Variants in GABBR1 observed in about 807,000 individuals in gnomAD.
The protein encoded by GABBR1 is gamma-aminobutyric acid type B receptor subunit 1, also known as GABA-B receptor, R1 subunit.
Under a neutral mutation model 117.7 loss-of-function variants are expected in GABBR1, and 35 were observed. That is an observed-to-expected ratio of 0.30 (90% CI 0.23 to 0.39). The LOEUF (loss-of-function observed/expected upper bound fraction) is 0.39, where lower values mean the gene tolerates loss of function less well. Among genes scored for constraint, GABBR1 ranks in the 10% least tolerant of loss-of-function variants. GABBR1 has a pLI of 1.00. For missense variants in GABBR1, 709 were observed against 1,241.8 expected (o/e 0.57, Z 6.45); for synonymous variants, 442 against 486.6 (o/e 0.91, Z 1.21).
Position 29,632,503 on chromosome 6 carries a change from C to T in GABBR1, c.1-118G>A. 1.0e-6 allele frequency: 1 copy of T among 1,004,518 alleles called. No homozygotes were observed. The highest frequency in any genetic ancestry group is 1.4e-6 in the Non-Finnish European group (1 of 734,642). The allele number at this position is 1,004,518 out of a possible 1,614,324, so 62.2% of individuals were successfully genotyped here. On this transcript the variant is annotated intron_variant, in intron 1 of 22. Coordinates refer to ENST00000377034, the MANE Select transcript of GABBR1 (RefSeq NM_001470.4). This position sits in a 1 kb window ranked among gnomAD's most constrained non-coding sequence, Gnocchi z 5.8. ...GCTCCGACCGGGCTCAGCCTGGGGA[C>T]CAAGAGAGCGCCCCGCGGAGGAGGC...
intron 12 of GABBR1, among the ~76,000 whole-genome samples, chr6:29,612,946 G>A (rs1762705729): frequency 6.6e-6 from 1 of 152,148 alleles, no homozygotes; most frequent in Non-Finnish European, 1.5e-5. Context: ...ATAAGAAGAT[G>A]ACCTTTCAGA....
Position 29,622,016 on chromosome 6 carries a change from G to A in GABBR1, c.1065+88C>T. The A allele has an allele frequency of 8.1e-7, 1 of 1,236,496 alleles. No homozygotes were observed. Among genetic ancestry groups the A allele is most frequent in the Non-Finnish European group, 1.2e-6 (1 of 848,220 alleles). 76.6% of individuals were successfully genotyped at this position (1,236,496 alleles called of 1,614,324 possible). On this transcript the variant is annotated intron_variant, in intron 9 of 22. Coordinates refer to ENST00000377034, the MANE Select transcript of GABBR1 (RefSeq NM_001470.4). The surrounding 1 kb of genome is among the most constrained non-coding windows in gnomAD (Gnocchi z 4.6). ...CTATTGCCTCAGAGAATCAAAACCTGCCCCCGCCTGGCTTTCCTCTCCAAC... is the reference window on the plus strand; with the variant it reads ...CTATTGCCTCAGAGAATCAAAACCTACCCCCGCCTGGCTTTCCTCTCCAAC...
Position 29,627,660 on chromosome 6 carries a change from C to G in GABBR1, c.497-14G>C. On this transcript the variant is annotated splice_polypyrimidine_tract_variant and intron_variant, in intron 5 of 22. Coordinates refer to ENST00000377034, the MANE Select transcript of GABBR1 (RefSeq NM_001470.4). The surrounding 1 kb of genome is among the most constrained non-coding windows in gnomAD (Gnocchi z 4.4). ...CTGCGCGCCGTTCTGAGGAGGGGTG[C>G]GGGGGGACCCGCGAGTGAGGCCGCG... is the stretch of plus-strand genomic sequence containing the variant. 4 of 1,540,546 alleles carry G rather than the reference C, an allele frequency of 2.6e-6. No individual in the cohort carries two copies. The highest frequency in any genetic ancestry group is 3.5e-6 in the Non-Finnish European group (4 of 1,148,116).
In GABBR1 at chr6:29,630,350, C is replaced by T. The variant is rs1472455690; in HGVS notation, c.475+108G>A. The T allele has an allele frequency of 4.9e-6, 5 of 1,015,258 alleles. No homozygotes were observed. The highest frequency in any genetic ancestry group is 4.8e-5 in the African/African-American group (3 of 62,218). The allele number at this position is 1,015,258 out of a possible 1,614,324, so 62.9% of individuals were successfully genotyped here. A position where few individuals can be genotyped will look rare whatever the true frequency, so the allele number is the denominator to read the frequency against. ...TTCATCTCCCCTTTCCAGTGTCCTC[C>T]CCCACATTTTTATAGCTCTCCATTC... On this transcript the variant is annotated intron_variant, in intron 4 of 22. Transcript: ENST00000377034. This position sits in a 1 kb window ranked among gnomAD's most constrained non-coding sequence, Gnocchi z 4.9.
chr6:29,620,798 C>T lies in GABBR1; in HGVS notation c.1323+303G>A, dbSNP rs752536016. 9.9e-5 allele frequency among the ~76,000 whole-genome samples: 15 copies of T among 152,122 alleles called. No homozygotes were observed. The highest frequency in any genetic ancestry group is 3.1e-4 in the African/African-American group (13 of 41,414). On this transcript the variant is annotated intron_variant, in intron 11 of 22. Transcript: ENST00000377034. This position sits in a 1 kb window ranked among gnomAD's most constrained non-coding sequence, Gnocchi z 4.5. ...CAAGCATCCATATTATCATTAATGC[C>T]GGTTCCTCCTGACTTCTCACCAACT...
In GABBR1 at chr6:29,616,846, C is replaced by CAAA. The variant is rs28383807; in HGVS notation, c.1324-3364_1324-3362dup. Among the ~76,000 whole-genome samples, 332 of 74,442 alleles carry CAAA rather than the reference C, an allele frequency of 4.5e-3. 1 individual carries two copies. The highest frequency in any genetic ancestry group is 0.013 in the Middle Eastern group (2 of 154). The allele number at this position is 74,442 out of a possible 152,430, so 48.8% of individuals were successfully genotyped here. A position where few individuals can be genotyped will look rare whatever the true frequency, so the allele number is the denominator to read the frequency against. On this transcript the variant is annotated intron_variant, in intron 11 of 22. Transcript: ENST00000377034. The stretch of plus-strand genomic sequence containing the variant: ...TGGGCAGCAGAGGGATACTCTACCT[C>CAAA]AAAAAAAAAAAAAAAAAAAGGCTGG...
intron 4 of GABBR1, 68 bp from the exon 5 acceptor site, chr6:29,629,175 C>T: frequency 1.3e-6 from 2 of 1,559,034 alleles, no homozygotes; most frequent in Non-Finnish European, 1.8e-6. Context: ...GGCCTGATCC[C>T]CAGCCCCCTC....
rs753934557 is a variant in GABBR1 at position 29,605,553 on chromosome 6, T to C, written c.2439+16A>G. On this transcript the variant is annotated intron_variant, in intron 20 of 22. Coordinates refer to ENST00000377034, the MANE Select transcript of GABBR1 (RefSeq NM_001470.4). The surrounding 1 kb of genome is among the most constrained non-coding windows in gnomAD (Gnocchi z 4.2). The stretch of plus-strand genomic sequence containing the variant: ...TGGTCAGCCTACAGGGTCAATGCCA[T>C]GGGGTCAGTGCTCACTGCCACATTG... 1.9e-6 allele frequency: 3 copies of C among 1,612,702 alleles called. No individual in the cohort carries two copies. Among genetic ancestry groups the C allele is most frequent in the Non-Finnish European group, 2.5e-6 (3 of 1,179,908 alleles).
At position 29,609,421 on chromosome 6, in the gene GABBR1, G is replaced by A; in HGVS notation, c.1709-42C>T. 2 of 1,580,194 alleles carry A rather than the reference G, an allele frequency of 1.3e-6. No individual in the cohort carries two copies. Among genetic ancestry groups the A allele is most frequent in the South Asian group, 2.2e-5 (2 of 90,318 alleles). The stretch of plus-strand genomic sequence containing the variant: ...AGGAAGAGGGGAAGGGAAAAGAGAA[G>A]GGAAGGAGGACAAAGGAATGAAGAC... On this transcript the variant is annotated intron_variant, in intron 14 of 22. Transcript: ENST00000377034. This position sits in a 1 kb window ranked among gnomAD's most constrained non-coding sequence, Gnocchi z 4.3.
rs1176120015 is a variant in GABBR1 at position 29,633,150 on chromosome 6, G to A, written c.-301C>T. 2.6e-5 allele frequency: 4 copies of A among 152,630 alleles called. No homozygotes were observed. Among genetic ancestry groups the A allele is most frequent in the Admixed American group, 2.6e-4 (4 of 15,292 alleles). The allele number at this position is 152,630 out of a possible 1,614,324, so 9.5% of individuals were successfully genotyped here. A position where few individuals can be genotyped will look rare whatever the true frequency, so the allele number is the denominator to read the frequency against. ...AGCTCCCGGGCGGAGGGAAGAAGGA[G>A]GGTGCAAGGGAAGGCAGGGCGGGGG... On this transcript the variant is annotated 5_prime_UTR_variant, in exon 1 of 23. Transcript: ENST00000377034. This position sits in a 1 kb window ranked among gnomAD's most constrained non-coding sequence, Gnocchi z 4.4.
chr6:29,604,769 G>A lies in GABBR1; in HGVS notation c.2568+91C>T. 1 of 1,581,064 alleles carries A rather than the reference G, an allele frequency of 6.3e-7. No homozygotes were observed. The highest frequency in any genetic ancestry group is 8.6e-7 in the Non-Finnish European group (1 of 1,158,622). On this transcript the variant is annotated intron_variant, in intron 21 of 22. Coordinates refer to ENST00000377034, the MANE Select transcript of GABBR1 (RefSeq NM_001470.4). The surrounding 1 kb of genome is among the most constrained non-coding windows in gnomAD (Gnocchi z 5.3). ...ACAAGGGGAGGAGTGAGAGGAGGGT[G>A]AACGGAAGGGCAGAGGAACTCAGTA...
chr6:29,603,859 A>T (rs1253883628), intron 22 of GABBR1, 143 bp from the exon 23 acceptor site: 16 of 499,222 alleles, frequency 3.2e-5, no homozygotes, highest in African/African-American at 2.8e-4. Flanking sequence ...AGTGGACAGA[A>T]TAAATTAAAA....
chr6:29,632,553 G>C lies in GABBR1; in HGVS notation c.1-168C>G, dbSNP rs562020736. 8 of 884,824 alleles carry C rather than the reference G, an allele frequency of 9.0e-6. No homozygotes were observed. In the African/African-American group the frequency reaches 1.1e-4, roughly 12 times the overall value. The allele number at this position is 884,824 out of a possible 1,614,324, so 54.8% of individuals were successfully genotyped here. On this transcript the variant is annotated intron_variant, in intron 1 of 22. Transcript: ENST00000377034. The surrounding 1 kb of genome is among the most constrained non-coding windows in gnomAD (Gnocchi z 5.8). ...CGGGGGCGGAGCCCCGCGCGGGGTG[G>C]GGGGAGAGGAGGAGAGAAAGCCTGT...
chr6:29,608,006 AAG>A (rs537098840), intron 16 of GABBR1, among the ~76,000 whole-genome samples: 395 of 152,350 alleles, frequency 2.6e-3, no homozygotes, highest in Non-Finnish European at 4.9e-3. Context: ...GCAGAGGAAA[AAG>A]AGAGAGCAAG....
rs576161002 is a variant in GABBR1 at position 29,622,587 on chromosome 6, G to T, written c.964-382C>A. On this transcript the variant is annotated intron_variant, in intron 8 of 22. Transcript: ENST00000377034. The surrounding 1 kb of genome is among the most constrained non-coding windows in gnomAD (Gnocchi z 4.6). Reference sequence around the variant, plus strand: ...GAGGCAAATGGGCAGACAGACAAAGGATCAGAGAAGAATGGTCTGAATCAG... The same window carrying T: ...GAGGCAAATGGGCAGACAGACAAAGTATCAGAGAAGAATGGTCTGAATCAG... 1.1e-4 allele frequency: 26 copies of T among 238,336 alleles called. 1 individual carries two copies. In the South Asian group the frequency reaches 1.9e-3, roughly 18 times the overall value. The allele number at this position is 238,336 out of a possible 1,614,324, so 14.8% of individuals were successfully genotyped here. A position where few individuals can be genotyped will look rare whatever the true frequency, so the allele number is the denominator to read the frequency against.
In GABBR1 at chr6:29,605,360, C is replaced by A. The variant is rs1237979757; in HGVS notation, c.2439+209G>T. ...ACCTATAAAGTGGGGATACTAATAT[C>A]TACTTCACTGGGTAGTTGCAAGATT... is the stretch of plus-strand genomic sequence containing the variant. On this transcript the variant is annotated intron_variant, in intron 20 of 22. Coordinates refer to ENST00000377034, the MANE Select transcript of GABBR1 (RefSeq NM_001470.4). This position sits in a 1 kb window ranked among gnomAD's most constrained non-coding sequence, Gnocchi z 4.2. The A allele has an allele frequency of 1.6e-6, 1 of 626,204 alleles. No individual in the cohort carries two copies. Among genetic ancestry groups the A allele is most frequent in the Non-Finnish European group, 2.8e-6 (1 of 359,418 alleles). 38.8% of individuals were successfully genotyped at this position (626,204 alleles called of 1,614,324 possible). A position where few individuals can be genotyped will look rare whatever the true frequency, so the allele number is the denominator to read the frequency against.
Position 29,630,641 on chromosome 6 carries a change from G to T in GABBR1, c.292C>A (p.Arg98=). The T allele has an allele frequency of 2.5e-6, 4 of 1,607,438 alleles. No homozygotes were observed. Among genetic ancestry groups the T allele is most frequent in the Non-Finnish European group, 3.4e-6 (4 of 1,175,280 alleles). ...GTCAAATAAGACTTGGAGCAGATTC[G>T]GACTGTGGAGAGATAGGAAAATAAG... ...TDMDTPSRCV[R]ICSKSYLTLE... is the part of the protein sequence containing the mutation. The change falls in exon 4 of 23, where the codon CGA becomes AGA. Residue 98 remains arginine, a splice_region_variant and synonymous_variant. Transcript: ENST00000377034. This position sits in a 1 kb window ranked among gnomAD's most constrained non-coding sequence, Gnocchi z 4.9.
At position 29,604,713 on chromosome 6, in the gene GABBR1, G is replaced by A. The variant is rs545914368; in HGVS notation, c.2569-76C>T. Reference sequence around the variant, plus strand: ...GACTGGCTGATGGAAGGTTGGAGGTGGAAGGAATGCTGATAAGAGTTGGGC... The same window carrying A: ...GACTGGCTGATGGAAGGTTGGAGGTAGAAGGAATGCTGATAAGAGTTGGGC... On this transcript the variant is annotated intron_variant, in intron 21 of 22. Coordinates refer to ENST00000377034, the MANE Select transcript of GABBR1 (RefSeq NM_001470.4). This position sits in a 1 kb window ranked among gnomAD's most constrained non-coding sequence, Gnocchi z 5.3. The A allele has an allele frequency of 5.6e-5, 90 of 1,605,718 alleles. No homozygotes were observed. The East Asian group carries it at 2.0e-3, about 35-fold the overall frequency.
chr6:29,621,295 G>C lies in GABBR1; in HGVS notation c.1132-3C>G, dbSNP rs758675257. ...CCAAAGAGACGCTCCTTGTACACCT[G>C]AATACAGAGGAGAATGGCTGAGTTT... On this transcript the variant is annotated splice_region_variant and splice_polypyrimidine_tract_variant and intron_variant, in intron 10 of 22. Coordinates refer to ENST00000377034, the MANE Select transcript of GABBR1 (RefSeq NM_001470.4). This position sits in a 1 kb window ranked among gnomAD's most constrained non-coding sequence, Gnocchi z 5.0. 12 of 1,608,282 alleles carry C rather than the reference G, an allele frequency of 7.5e-6. No homozygotes were observed. Among genetic ancestry groups the C allele is most frequent in the Non-Finnish European group, 1.0e-5 (12 of 1,177,626 alleles).
Sources: allele counts gnomAD v4.1 joint callset (sites outside exome capture counted in the v4.1 genomes callset), GRCh38; gene constraint gnomAD v4.1.1; non-coding constraint Gnocchi (gnomAD v3.1); transcripts MANE v1.5; gene names NCBI Gene and HGNC (gene_info 2026-07-23, HGNC 2026-07-21).